Variants in NEK7 observed in about 807,000 individuals in gnomAD.
The protein encoded by NEK7 is NIMA related kinase 7.
A neutral mutation model predicts 44.6 loss-of-function variants in NEK7; 18 were observed. The ratio of observed to expected loss-of-function variants is 0.40; its 90% CI spans 0.28 to 0.60. The LOEUF is 0.60. Among genes scored for constraint, NEK7 ranks in the 20% least tolerant of loss-of-function variants. The probability of loss-of-function intolerance (pLI) is 0.38; values close to 1 mark genes in which losing one functional copy is unlikely to be tolerated. For missense variants in NEK7, 256 were observed against 366.5 expected (o/e 0.70, Z 2.46); for synonymous variants, 130 against 121.1 (o/e 1.07, Z -0.48).
Position 198,251,105 on chromosome 1 carries a change from G to C in NEK7, c.58-1935G>C, listed in dbSNP as rs1262757694. Among the ~76,000 whole-genome samples, 4 of 151,798 alleles carry C rather than the reference G, an allele frequency of 2.6e-5. No individual in the cohort carries two copies. In the East Asian group the frequency reaches 7.8e-4, roughly 30 times the overall value. On this transcript the variant is annotated intron_variant, in intron 2 of 9. Coordinates refer to ENST00000367385, the MANE Select transcript of NEK7 (RefSeq NM_133494.3). ...TTAGCATGAAGCGTTGTTGAATTTT[G>C]TCAAAGGCCTTTTCTGCATCTATTG...
chr1:198,220,337 A>T (rs1179199498), intron 1 of NEK7, among the ~76,000 whole-genome samples: 1 of 151,940 alleles, frequency 6.6e-6, no homozygotes, highest in South Asian at 2.1e-4. Flanking sequence ...GAGTCCTAGA[A>T]CCAATCATCT....
chr1:198,165,421 C>A (rs1301113425), intron 1 of NEK7, among the ~76,000 whole-genome samples: 1 of 152,138 alleles, frequency 6.6e-6, no homozygotes, highest in African/African-American at 2.4e-5. Context: ...ATTCCTTGAT[C>A]CGTGGGCTGT....
intron 1 of NEK7, among the ~76,000 whole-genome samples, chr1:198,219,241 T>A (rs1666015971): frequency 2.0e-5 from 3 of 150,446 alleles, no homozygotes; most frequent in Admixed American, 2.0e-4. Context: ...ATTAAATTTA[T>A]GTATATTTTA....
chr1:198,295,824 T>TTAA (rs1305380835), intron 8 of NEK7, among the ~76,000 whole-genome samples: 6 of 150,360 alleles, frequency 4.0e-5, no homozygotes, highest in Non-Finnish European at 7.4e-5. Flanking sequence ...ATTATTATTA[T>TTAA]TATTATTATT....
At chr1:198,249,668 G>T (rs1652849001) in intron 2 of NEK7, among the ~76,000 whole-genome samples, 1 of 150,822 alleles carries the variant, frequency 6.6e-6, no homozygotes, top group African/African-American at 2.4e-5. Flanking sequence ...TGTGTTTTTT[G>T]GCTGCATAAA....
chr1:198,278,152 A>G, intron 6 of NEK7, 83 bp downstream of exon 6: 3 of 706,794 alleles, frequency 4.2e-6, no homozygotes, highest in East Asian at 2.7e-5. Context: ...GTCAGTACAT[A>G]ATACCATACT....
At chr1:198,296,504 A>T (rs941043353) in intron 8 of NEK7, among the ~76,000 whole-genome samples, 2 of 152,152 alleles carry the variant, frequency 1.3e-5, no homozygotes, top group Non-Finnish European at 2.9e-5. Flanking sequence ...GAAGCCTTGA[A>T]TTACAGCTAT....
chr1:198,189,574 C>G (rs922387405), intron 1 of NEK7, among the ~76,000 whole-genome samples: 3 of 152,026 alleles, frequency 2.0e-5, no homozygotes, highest in Non-Finnish European at 4.4e-5. Flanking sequence ...CTGGGTTGAA[C>G]AAATATGTCA....
rs916416492 is a variant in NEK7, at chr1:198,168,362, G to T, written c.-29+11086G>T. Among the ~76,000 whole-genome samples the T allele has an allele frequency of 4.7e-4, 72 of 152,202 alleles. 2 individuals carry two copies. Among genetic ancestry groups the T allele is most frequent in the Non-Finnish European group, 7.4e-5 (5 of 68,024 alleles). On this transcript the variant is annotated intron_variant, in intron 1 of 9. Coordinates refer to ENST00000367385, the MANE Select transcript of NEK7 (RefSeq NM_133494.3). ...AATGTTGAGACTTTTGTCTCTTAGT[G>T]TGTGGTCCCTGGCAGGGCAGTACTA...
intron 1 of NEK7, among the ~76,000 whole-genome samples, chr1:198,162,273 C>G (rs182205924): frequency 7.8e-4 from 118 of 152,232 alleles, no homozygotes; most frequent in African/African-American, 2.7e-3. Flanking sequence ...CCTTAGCCCT[C>G]GGGGAAGCCC....
intron 1 of NEK7, among the ~76,000 whole-genome samples, chr1:198,227,089 A>G (rs982885259): frequency 2.6e-5 from 4 of 151,918 alleles, no homozygotes; most frequent in South Asian, 2.1e-4. Context: ...TCATTGTTCA[A>G]TTCCCACCTA....
intron 9 of NEK7, among the ~76,000 whole-genome samples, chr1:198,311,117 G>T (rs1655169162): frequency 6.7e-6 from 1 of 148,922 alleles, no homozygotes; most frequent in African/African-American, 2.5e-5. Context: ...ATTTCCTTGA[G>T]CAGTGGTTTG....
chr1:198,221,086 C>T (rs564485255), intron 1 of NEK7: 1 of 152,066 alleles, frequency 6.6e-6, no homozygotes, highest in South Asian at 2.1e-4. Flanking sequence ...TTCTGAAGCT[C>T]TATTTGAAAT....
chr1:198,288,358 G>A (rs1654443793), intron 7 of NEK7, among the ~76,000 whole-genome samples: 1 of 152,242 alleles, frequency 6.6e-6, no homozygotes, highest in African/African-American at 2.4e-5. Context: ...TAGCTGCAGA[G>A]TAGCATAATT....
chr1:198,208,323 G>C (rs1665657048), intron 1 of NEK7, among the ~76,000 whole-genome samples: 1 of 152,182 alleles, frequency 6.6e-6, no homozygotes, highest in Non-Finnish European at 1.5e-5. Flanking sequence ...GCTGGGGGCA[G>C]TAGCTATCAG....
Position 198,319,652 on chromosome 1 carries a change from T to C in NEK7, c.*130T>C. On this transcript the variant is annotated 3_prime_UTR_variant, in exon 10 of 10. Transcript: ENST00000367385. The stretch of plus-strand genomic sequence containing the variant: ...TGTGCTTTGAATCCTTAACCAGTTT[T>C]CATATAAGCTTCATTTTGTACCAGT... 1 of 1,114,004 alleles carries C rather than the reference T, an allele frequency of 9.0e-7. No homozygotes were observed. Among genetic ancestry groups the C allele is most frequent in the Middle Eastern group, 2.8e-4 (1 of 3,622 alleles). 69.0% of individuals were successfully genotyped at this position (1,114,004 alleles called of 1,614,324 possible). A position where few individuals can be genotyped will look rare whatever the true frequency, so the allele number is the denominator to read the frequency against.
intron 2 of NEK7, among the ~76,000 whole-genome samples, chr1:198,236,027 T>C (rs1188169070): frequency 1.3e-5 from 2 of 152,140 alleles, no homozygotes; most frequent in Non-Finnish European, 2.9e-5. Context: ...CTATTTTGCA[T>C]CTCTGTGGAG....
intron 1 of NEK7, among the ~76,000 whole-genome samples, chr1:198,202,095 A>G (rs1052760589): frequency 3.3e-5 from 5 of 152,204 alleles, no homozygotes; most frequent in African/African-American, 1.2e-4. Flanking sequence ...CTAAAAAGTC[A>G]GAGGTACTTC....
chr1:198,205,092 T>C (rs1221580471), intron 1 of NEK7, among the ~76,000 whole-genome samples: 1 of 152,210 alleles, frequency 6.6e-6, no homozygotes, highest in Non-Finnish European at 1.5e-5. Context: ...TGTCTGTGAA[T>C]AAAAACCCCA....
Sources: gnomAD v4.1 joint callset for allele counts (sites outside exome capture counted in the v4.1 genomes callset) on GRCh38, gnomAD v4.1.1 for gene constraint, MANE v1.5 for transcripts, NCBI Gene and HGNC (gene_info 2026-07-23, HGNC 2026-07-21) for gene names.